MED15: variants seen among roughly 807,000 people sequenced by gnomAD.
MED15 encodes mediator complex subunit 15.
MED15 carries 41 observed loss-of-function variants against 118.7 expected under a neutral mutation model. The observed-to-expected ratio is 0.35, with a 90% CI of 0.27 to 0.45. The LOEUF (loss-of-function observed/expected upper bound fraction) is 0.45, where lower values mean the gene tolerates loss of function less well. MED15 is among the 20% of genes least tolerant of loss of function. The pLI, the probability that MED15 is intolerant of heterozygous loss-of-function variation, is 1.00. For missense variants in MED15, 740 were observed against 1,025.5 expected, an observed-to-expected ratio of 0.72 and a Z score of 3.80; for synonymous variants, 436 against 413.9, an observed-to-expected ratio of 1.05 and a Z score of -0.65.
At chr22:20,577,750 G>A (rs920490175) in intron 9 of MED15, among the ~76,000 whole-genome samples, 1 of 151,872 alleles carries the variant, frequency 6.6e-6, no homozygotes, top group South Asian at 2.1e-4. Context: ...GGCAGTGAGA[G>A]GCACACCCCT....
intron 1 of MED15, among the ~76,000 whole-genome samples, chr22:20,531,363 C>A (rs1401966937): frequency 6.6e-6 from 1 of 152,246 alleles, no homozygotes; most frequent in Non-Finnish European, 1.5e-5. Context: ...ACTGCCTGGC[C>A]CTGTCTGTGC....
At chr22:20,544,364 C>A (rs1474296164) in intron 2 of MED15, among the ~76,000 whole-genome samples, 1 of 152,090 alleles carries the variant, frequency 6.6e-6, no homozygotes, top group East Asian at 1.9e-4. Flanking sequence ...AGCTTGGTGG[C>A]TTAAAAGAAC....
Position 20,568,777 on chromosome 22 carries a change from C to G in MED15, c.1152+146C>G, listed in dbSNP as rs1188403463. 7 of 1,356,988 alleles carry G rather than the reference C, an allele frequency of 5.2e-6. 1 individual carries two copies. The highest frequency in any genetic ancestry group is 5.2e-4 in the Middle Eastern group (2 of 3,866). The allele number at this position is 1,356,988 out of a possible 1,614,324, so 84.1% of individuals were successfully genotyped here. Reference sequence around the variant, plus strand: ...GGGCTTCTCTCCCCCTTGCACTCTGCAAGACACCCCTGGAGTCCTTGGGGT... The same window carrying G: ...GGGCTTCTCTCCCCCTTGCACTCTGGAAGACACCCCTGGAGTCCTTGGGGT... On this transcript the variant is annotated intron_variant, in intron 8 of 17. Transcript: ENST00000263205.
Position 20,585,277 on chromosome 22 carries a change from C to T in MED15, c.2131+10C>T, listed in dbSNP as rs1443769112. ...CTGATCTGCAAGCTGGGTGAGTGTC[C>T]AGAGGGCCGGGACTGGTGTGGGAAA... On this transcript the variant is annotated intron_variant, in intron 16 of 17. Transcript: ENST00000263205. 3 of 1,611,676 alleles carry T rather than the reference C, an allele frequency of 1.9e-6. No individual in the cohort carries two copies. Among genetic ancestry groups the T allele is most frequent in the African/African-American group, 2.7e-5 (2 of 74,880 alleles).
intron 1 of MED15, among the ~76,000 whole-genome samples, chr22:20,517,800 C>T (rs1461631229): frequency 6.6e-6 from 1 of 152,146 alleles, no homozygotes; most frequent in Non-Finnish European, 1.5e-5. Context: ...GGCAGAAACA[C>T]CACAGGAAGA....
At chr22:20,570,014 C>T (rs2056588017) in intron 8 of MED15, among the ~76,000 whole-genome samples, 2 of 152,136 alleles carry the variant, frequency 1.3e-5, no homozygotes, top group Non-Finnish European at 2.9e-5. Flanking sequence ...TGTTCAGGAC[C>T]TCACTTCCTG....
intron 2 of MED15, among the ~76,000 whole-genome samples, chr22:20,549,813 G>A (rs531520294): frequency 6.6e-6 from 1 of 152,276 alleles, no homozygotes; most frequent in East Asian, 1.9e-4. Context: ...AGTGGTGCTG[G>A]GCACTGCAGG....
intron 5 of MED15, among the ~76,000 whole-genome samples, chr22:20,557,154 C>T (rs1433402737): frequency 3.3e-5 from 5 of 152,192 alleles, no homozygotes; most frequent in Admixed American, 6.5e-5. Context: ...ATCGCCCCCT[C>T]TGCTTTGTCA....
chr22:20,554,134 G>A (rs148553707), intron 4 of MED15: 4 of 152,554 alleles, frequency 2.6e-5, no homozygotes, highest in African/African-American at 9.6e-5. Flanking sequence ...AGCCAGGACA[G>A]GGATTCTTGG....
chr22:20,514,877 A>C (rs2054196243), intron 1 of MED15, among the ~76,000 whole-genome samples: 1 of 152,198 alleles, frequency 6.6e-6, no homozygotes, highest in Admixed American at 6.5e-5. Flanking sequence ...TTTCCCACTC[A>C]CAGCTCTGTG....
chr22:20,566,581 CCAATTCAG>C lies in MED15; in HGVS notation c.808_815del (p.Ile270AlafsTer207). ...GCAGCAGGCTTTGCAGGCCCAGCCA[CCAATTCAG>C]CAGCCACCGATGCAGCAGCCACAGC... is the stretch of plus-strand genomic sequence containing the variant. On this transcript the variant is annotated frameshift_variant, in exon 7 of 18. Coordinates refer to ENST00000263205, the MANE Select transcript of MED15 (RefSeq NM_001003891.3). LOFTEE classifies it high-confidence loss of function. The C allele has an allele frequency of 6.2e-7, 1 of 1,613,798 alleles. No individual in the cohort carries two copies. The highest frequency in any genetic ancestry group is 8.5e-7 in the Non-Finnish European group (1 of 1,179,856).
intron 3 of MED15, 87 bp downstream of exon 3, chr22:20,551,574 C>A: frequency 7.8e-7 from 1 of 1,285,496 alleles, no homozygotes; most frequent in Non-Finnish European, 1.1e-6. Context: ...TCTGGGCAGG[C>A]CGTGGTGCCT....
intron 9 of MED15, among the ~76,000 whole-genome samples, chr22:20,578,171 C>T (rs2079098): frequency 0.025 from 3,808 of 152,262 alleles, 168 homozygotes; most frequent in African/African-American, 0.086. Context: ...GTGATCCGCC[C>T]GCCTCGGTCT....
intron 14 of MED15, 185 bp downstream of exon 14, chr22:20,584,610 C>T: frequency 1.2e-6 from 1 of 830,486 alleles, no homozygotes; most frequent in Non-Finnish European, 1.9e-6. Flanking sequence ...AAGTCACCCT[C>T]TGTCTACGGC....
At chr22:20,580,780 G>A (rs575589287) in intron 9 of MED15, among the ~76,000 whole-genome samples, 2 of 152,308 alleles carry the variant, frequency 1.3e-5, no homozygotes, top group East Asian at 1.9e-4. Context: ...CCCCAGCACC[G>A]TGAATGCACA....
At chr22:20,547,526 A>C (rs2055591989) in intron 2 of MED15, among the ~76,000 whole-genome samples, 1 of 152,224 alleles carries the variant, frequency 6.6e-6, no homozygotes, top group Non-Finnish European at 1.5e-5. Context: ...TCTCCAAAAA[A>C]TACAAAAAAT....
chr22:20,567,139 A>T (rs2056473882), intron 7 of MED15, among the ~76,000 whole-genome samples: 1 of 152,092 alleles, frequency 6.6e-6, no homozygotes, highest in Non-Finnish European at 1.5e-5. Flanking sequence ...TCGACTGATG[A>T]GCACCACATG....
intron 1 of MED15, among the ~76,000 whole-genome samples, chr22:20,531,643 A>C (rs2054866987): frequency 6.6e-6 from 1 of 152,254 alleles, no homozygotes; most frequent in African/African-American, 2.4e-5. Flanking sequence ...TCCGTTCTGC[A>C]CGTCGTGTCC....
At chr22:20,512,740 C>T (rs1375448174) in intron 1 of MED15, among the ~76,000 whole-genome samples, 3 of 151,188 alleles carry the variant, frequency 2.0e-5, no homozygotes, top group South Asian at 2.1e-4. Flanking sequence ...TACAGGCGCC[C>T]GCCACCACGC....
Sources: gnomAD v4.1 joint callset for allele counts (sites outside exome capture counted in the v4.1 genomes callset) on GRCh38, gnomAD v4.1.1 for gene constraint, MANE v1.5 for transcripts, NCBI Gene and HGNC (gene_info 2026-07-23, HGNC 2026-07-21) for gene names.